The following ACTR3B variants were observed in gnomAD, a reference collection of about 807,000 sequenced individuals.
ACTR3B encodes actin related protein 3B.
ACTR3B carries 8 observed loss-of-function variants against 59.0 expected under a neutral mutation model. The observed-to-expected ratio is 0.14, with a 90% CI of 0.08 to 0.24. The LOEUF (loss-of-function observed/expected upper bound fraction) is 0.24. ACTR3B is among the 10% of genes least tolerant of loss of function. The probability of loss-of-function intolerance (pLI) is 1.00; values close to 1 mark genes in which losing one functional copy is unlikely to be tolerated. For missense variants in ACTR3B, 245 were observed against 552.3 expected (o/e 0.44, Z 5.58); for synonymous variants, 148 against 197.9 (o/e 0.75, Z 2.12).
chr7:152,782,066 C>T (rs1179058551), intron 1 of ACTR3B, among the ~76,000 whole-genome samples: 2 of 151,918 alleles, frequency 1.3e-5, no homozygotes, highest in African/African-American at 4.8e-5. Flanking sequence ...CTTATCCATT[C>T]ACTGTGTGTT....
At chr7:152,759,987 C>A (rs1178675160) in intron 1 of ACTR3B, 61 bp downstream of exon 1, 14 of 1,276,754 alleles carry the variant, frequency 1.1e-5, no homozygotes, top group Admixed American at 3.8e-5. Flanking sequence ...CCCCTGGCGT[C>A]CACCTCGCCT....
At chr7:152,771,017 G>A (rs1224811766) in intron 1 of ACTR3B, among the ~76,000 whole-genome samples, 4 of 150,766 alleles carry the variant, frequency 2.7e-5, no homozygotes, top group African/African-American at 9.8e-5. Context: ...AGGCTGGAGT[G>A]CAGTGGCTTG....
chr7:152,795,034 C>T (rs2098211317), intron 2 of ACTR3B, among the ~76,000 whole-genome samples: 2 of 148,786 alleles, frequency 1.3e-5, no homozygotes, highest in South Asian at 4.3e-4. Flanking sequence ...CAGTTTCACT[C>T]TCTTTTTTTT....
At position 152,759,767 on chromosome 7, in the gene ACTR3B, A is replaced by C; in HGVS notation, c.-116A>C. ...GCCGCCGAGCATCCGGGCTCCCGGC[A>C]GCGGCGCTGCGGCGGCTCGCGGGAG... On this transcript the variant is annotated 5_prime_UTR_variant, in exon 1 of 12. Transcript: ENST00000256001. 4 of 822,882 alleles carry C rather than the reference A, an allele frequency of 4.9e-6. No homozygotes were observed. The highest frequency in any genetic ancestry group is 6.1e-6 in the Non-Finnish European group (4 of 660,214). 51.0% of individuals were successfully genotyped at this position (822,882 alleles called of 1,614,324 possible). A position where few individuals can be genotyped will look rare whatever the true frequency, so the allele number is the denominator to read the frequency against.
chr7:152,843,032 A>C (rs1230384784), intron 9 of ACTR3B, among the ~76,000 whole-genome samples: 5 of 152,130 alleles, frequency 3.3e-5, no homozygotes, highest in African/African-American at 1.2e-4. Context: ...GCCCAATTTT[A>C]ACTGATTTGT....
At chr7:152,816,768 A>G in intron 6 of ACTR3B, 180 bp downstream of exon 6, 4 of 470,410 alleles carry the variant, frequency 8.5e-6, no homozygotes, top group Non-Finnish European at 1.1e-5. Flanking sequence ...GAATTCCCCA[A>G]GTATGTGGGA....
intron 11 of ACTR3B, 143 bp downstream of exon 11, chr7:152,853,720 C>CT: frequency 1.4e-6 from 1 of 733,032 alleles, no homozygotes; most frequent in Non-Finnish European, 2.2e-6. Flanking sequence ...TAAATTATAT[C>CT]TTTTTTGTTT....
intron 1 of ACTR3B, among the ~76,000 whole-genome samples, chr7:152,766,734 G>C (rs1454155772): frequency 1.3e-5 from 2 of 152,200 alleles, no homozygotes; most frequent in Non-Finnish European, 1.5e-5. Flanking sequence ...TTGAGTCATA[G>C]TTAAGAAAGG....
At chr7:152,818,929 AC>A (rs1795930925) in intron 6 of ACTR3B, among the ~76,000 whole-genome samples, 1 of 152,260 alleles carries the variant, frequency 6.6e-6, no homozygotes, top group Non-Finnish European at 1.5e-5. Flanking sequence ...CTGTGAAAAT[AC>A]ATTTAAGAAG....
intron 9 of ACTR3B, among the ~76,000 whole-genome samples, chr7:152,825,861 AT>A (rs1449663727): frequency 6.6e-6 from 1 of 151,874 alleles, no homozygotes. Context: ...TATTATTATG[AT>A]TTTTTTCAAA....
intron 1 of ACTR3B, among the ~76,000 whole-genome samples, chr7:152,762,253 A>T (rs886174612): frequency 1.3e-5 from 2 of 152,326 alleles, no homozygotes; most frequent in East Asian, 3.9e-4. Context: ...AGCTTCATCT[A>T]TTTAAAGGGA....
intron 9 of ACTR3B, among the ~76,000 whole-genome samples, chr7:152,846,012 C>T (rs557449136): frequency 6.6e-6 from 1 of 152,344 alleles, no homozygotes; most frequent in African/African-American, 2.4e-5. Flanking sequence ...CTCAGAATGA[C>T]AAAGTATGTG....
rs1260124223 is a variant in ACTR3B at position 152,790,472 on chromosome 7, C to G, written c.100+7230C>G. On this transcript the variant is annotated intron_variant, in intron 2 of 11. Transcript: ENST00000256001. Reference sequence around the variant, plus strand: ...CACTGGGATTACAGGAATGAGCCACCTTGTCCAGATTGAACAATTATTTCA... The same window carrying G: ...CACTGGGATTACAGGAATGAGCCACGTTGTCCAGATTGAACAATTATTTCA... 2.0e-5 allele frequency among the ~76,000 whole-genome samples: 3 copies of G among 152,248 alleles called. No individual in the cohort carries two copies. In the East Asian group the frequency reaches 5.8e-4, roughly 29 times the overall value.
intron 9 of ACTR3B, among the ~76,000 whole-genome samples, chr7:152,830,563 T>C (rs1796944044): frequency 6.6e-6 from 1 of 152,044 alleles, no homozygotes. Flanking sequence ...ATACTTACTA[T>C]TGAGAGACAG....
At chr7:152,792,870 A>G (rs2098201756) in intron 2 of ACTR3B, among the ~76,000 whole-genome samples, 1 of 152,180 alleles carries the variant, frequency 6.6e-6, no homozygotes, top group African/African-American at 2.4e-5. Flanking sequence ...TTTTATTTCA[A>G]CGGAAAGTCT....
chr7:152,807,198 C>T (rs969946295), intron 4 of ACTR3B, among the ~76,000 whole-genome samples: 12 of 152,214 alleles, frequency 7.9e-5, no homozygotes, highest in African/African-American at 2.9e-4. Flanking sequence ...TCCCCCTTCA[C>T]TACAGTAGAA....
chr7:152,828,252 G>A (rs1796737490), intron 9 of ACTR3B, among the ~76,000 whole-genome samples: 2 of 151,734 alleles, frequency 1.3e-5, no homozygotes, highest in African/African-American at 4.8e-5. Context: ...CTTTAGGAAA[G>A]ACTGTGGAAG....
intron 1 of ACTR3B, among the ~76,000 whole-genome samples, chr7:152,779,305 G>C (rs574519590): frequency 6.6e-6 from 1 of 152,152 alleles, no homozygotes; most frequent in East Asian, 1.9e-4. Flanking sequence ...AGGTGATCTG[G>C]TCAGCCACAT....
At chr7:152,842,772 GT>G (rs1797968266) in intron 9 of ACTR3B, among the ~76,000 whole-genome samples, 1 of 152,222 alleles carries the variant, frequency 6.6e-6, no homozygotes, top group Non-Finnish European at 1.5e-5. Flanking sequence ...TGCTGGATAT[GT>G]TTTATTCTCC....
Sources: gnomAD v4.1 joint callset for allele counts (sites outside exome capture counted in the v4.1 genomes callset) on GRCh38, gnomAD v4.1.1 for gene constraint, MANE v1.5 for transcripts, NCBI Gene and HGNC (gene_info 2026-07-23, HGNC 2026-07-21) for gene names.